Variants in MYO5C observed in about 807,000 individuals in gnomAD.
MYO5C encodes myosin VC.
In MYO5C, 194 loss-of-function variants were observed where a neutral mutation model predicts 235.7. The ratio of observed to expected loss-of-function variants is 0.82; its 90% CI spans 0.73 to 0.93. MYO5C has a LOEUF of 0.93. MYO5C is among the 40% of genes least tolerant of loss of function. The pLI, the probability that MYO5C is intolerant of heterozygous loss-of-function variation, is 0.00. For missense variants in MYO5C, 2,038 were observed against 2,127.2 expected (o/e 0.96, Z 0.82); for synonymous variants, 707 against 754.8 (o/e 0.94, Z 1.04).
intron 23 of MYO5C, among the ~76,000 whole-genome samples, chr15:52,234,788 C>T (rs1225926204): frequency 6.6e-6 from 1 of 152,188 alleles, no homozygotes; most frequent in Non-Finnish European, 1.5e-5. Flanking sequence ...ACATTCGCTC[C>T]TCCCACTCTC....
At position 52,268,166 on chromosome 15, in the gene MYO5C, A is replaced by C. The variant is rs1164221490; in HGVS notation, c.940+1587T>G. 2.6e-5 allele frequency among the ~76,000 whole-genome samples: 4 copies of C among 152,314 alleles called. No homozygotes were observed. The East Asian group carries it at 7.7e-4, about 29-fold the overall frequency. On this transcript the variant is annotated intron_variant, in intron 8 of 40. Transcript: ENST00000261839. ...CTATTCCTTGGATATGTTTAACCTGAAACTCTTAGTTTTTTACATTCAGAT... is the reference window on the plus strand; with the variant it reads ...CTATTCCTTGGATATGTTTAACCTGCAACTCTTAGTTTTTTACATTCAGAT...
chr15:52,214,540 T>C, intron 33 of MYO5C, 63 bp downstream of exon 33: 2 of 1,208,630 alleles, frequency 1.7e-6, no homozygotes, highest in Non-Finnish European at 2.3e-6. Flanking sequence ...AGAAAGAAAA[T>C]AAACACTTGA....
In MYO5C at chr15:52,242,397, T is replaced by G. The variant is rs1055731105; in HGVS notation, c.2391-184A>C. ...GAGGCCAGTCCCCAGTTCCCTGTCCTTGAGGAACCACATGGGAACTTTCAC... is the reference window on the plus strand; with the variant it reads ...GAGGCCAGTCCCCAGTTCCCTGTCCGTGAGGAACCACATGGGAACTTTCAC... On this transcript the variant is annotated intron_variant, in intron 19 of 40. Coordinates refer to ENST00000261839, the MANE Select transcript of MYO5C (RefSeq NM_018728.4). The G allele has an allele frequency of 9.9e-6, 6 of 604,076 alleles. No homozygotes were observed. The African/African-American group carries it at 1.1e-4, about 11-fold the overall frequency. 37.4% of individuals were successfully genotyped at this position (604,076 alleles called of 1,614,324 possible).
At chr15:52,207,682 G>A (rs2035351132) in intron 36 of MYO5C, among the ~76,000 whole-genome samples, 1 of 152,106 alleles carries the variant, frequency 6.6e-6, no homozygotes, top group South Asian at 2.1e-4. Context: ...ACAGATTTAA[G>A]CATATCAAAA....
rs1453808718 is a variant in MYO5C at position 52,256,560 on chromosome 15, C to T, written c.1395+79G>A. On this transcript the variant is annotated intron_variant, in intron 11 of 40. Transcript: ENST00000261839. The stretch of plus-strand genomic sequence containing the variant: ...CAAGAAAGAAGAATGCCTCTTTCCA[C>T]GAACACACACACACACACACACACA... 8 of 819,760 alleles carry T rather than the reference C, an allele frequency of 9.8e-6. No individual in the cohort carries two copies. The East Asian group carries it at 1.1e-4, about 11-fold the overall frequency. 50.8% of individuals were successfully genotyped at this position (819,760 alleles called of 1,614,324 possible).
At chr15:52,194,080 G>GA (rs1566955545) in intron 40 of MYO5C, 26 bp from the exon 41 acceptor site, 1 of 1,604,308 alleles carries the variant, frequency 6.2e-7, no homozygotes, top group African/African-American at 1.3e-5. Flanking sequence ...GAGGAAAAAT[G>GA]AGTAAGGAAA....
At chr15:52,238,832 G>A (rs988760029) in intron 21 of MYO5C, among the ~76,000 whole-genome samples, 4 of 151,436 alleles carry the variant, frequency 2.6e-5, no homozygotes, top group Non-Finnish European at 5.9e-5. Context: ...TAGTAGAGAC[G>A]GGGTTTCACC....
At chr15:52,273,944 C>A (rs1448205382) in intron 5 of MYO5C, among the ~76,000 whole-genome samples, 1 of 152,064 alleles carries the variant, frequency 6.6e-6, no homozygotes, top group African/African-American at 2.4e-5. Flanking sequence ...TTACTGCTTC[C>A]CTACTCAACC....
intron 26 of MYO5C, 27 bp downstream of exon 26, chr15:52,225,412 G>T: frequency 6.6e-7 from 1 of 1,513,424 alleles, no homozygotes; most frequent in South Asian, 1.1e-5. Context: ...CTGCACCCAT[G>T]GACTAAGAGA....
chr15:52,257,862 C>T (rs1352249418), intron 10 of MYO5C, among the ~76,000 whole-genome samples: 1 of 152,234 alleles, frequency 6.6e-6, no homozygotes, highest in Non-Finnish European at 1.5e-5. Context: ...TCTCACTTGA[C>T]TGAGCTGGTT....
Position 52,244,555 on chromosome 15 carries a change from A to G in MYO5C, c.2191T>C (p.Tyr731His), listed in dbSNP as rs2036298326. Residue 731 changes from tyrosine (Y) to histidine (H), a missense_variant, in exon 19 of 41, where the codon TAC becomes CAC. Tyr to His is a moderately conservative substitution (Grantham distance 83). Transcript: ENST00000261839. ...AAAATTTTGGTTTTACCAAACTGGTACTGATTAGAATCCTGGAAGAGAAAA... is the reference window on the plus strand; with the variant it reads ...AAAATTTTGGTTTTACCAAACTGGTGCTGATTAGAATCCTGGAAGAGAAAA... The part of the protein sequence containing the change: ...LHRLIQDSNQ[Y>H]QFGKTKIFFR... The G allele has an allele frequency of 6.2e-7, 1 of 1,608,924 alleles. No homozygotes were observed. Among genetic ancestry groups the G allele is most frequent in the Non-Finnish European group, 8.5e-7 (1 of 1,175,998 alleles).
At chr15:52,233,677 C>T (rs1191696829) in intron 23 of MYO5C, among the ~76,000 whole-genome samples, 4 of 152,224 alleles carry the variant, frequency 2.6e-5, no homozygotes, top group Non-Finnish European at 5.9e-5. Context: ...ACAAGAGTCG[C>T]AAACACAAAG....
chr15:52,211,632 G>T, intron 35 of MYO5C, 98 bp downstream of exon 35: 2 of 1,318,650 alleles, frequency 1.5e-6, no homozygotes, highest in Non-Finnish European at 1.1e-6. Context: ...GAATCATGTG[G>T]CTCACCACAC....
intron 38 of MYO5C, among the ~76,000 whole-genome samples, chr15:52,202,244 G>C (rs1480942370): frequency 1.3e-5 from 2 of 152,114 alleles, no homozygotes; most frequent in African/African-American, 4.8e-5. Flanking sequence ...GGGCATGGTG[G>C]CGCATGCCTG....
chr15:52,227,758 A>G (rs558350305), intron 25 of MYO5C, among the ~76,000 whole-genome samples: 1 of 152,154 alleles, frequency 6.6e-6, no homozygotes, highest in Non-Finnish European at 1.5e-5. Context: ...ACTTTTAAAC[A>G]ATAGGGGACG....
At position 52,268,290 on chromosome 15, in the gene MYO5C, C is replaced by T. The variant is rs550387145; in HGVS notation, c.940+1463G>A. 4.6e-5 allele frequency among the ~76,000 whole-genome samples: 7 copies of T among 152,244 alleles called. No homozygotes were observed. The East Asian group carries it at 7.7e-4, about 17-fold the overall frequency. On this transcript the variant is annotated intron_variant, in intron 8 of 40. Transcript: ENST00000261839. ...CAAGACGTAGAAATGGCTGGCCGGG[C>T]GCGGTGGCTCATGCCTGTAATCCCA...
Position 52,269,692 on chromosome 15 carries a change from T to TA in MYO5C, c.940+60dup, listed in dbSNP as rs899074691. 4 of 1,209,968 alleles carry TA rather than the reference T, an allele frequency of 3.3e-6. No individual in the cohort carries two copies. In the African/African-American group the frequency reaches 6.1e-5, roughly 19 times the overall value. 75.0% of individuals were successfully genotyped at this position (1,209,968 alleles called of 1,614,324 possible). ...AGGTGTGAGCCACCACGCCTGGCCT[T>TA]AATTTTTTTTTTTTTTTAAGAGAAA... On this transcript the variant is annotated intron_variant, in intron 8 of 40. Coordinates refer to ENST00000261839, the MANE Select transcript of MYO5C (RefSeq NM_018728.4).
chr15:52,201,782 G>C (rs906575983), intron 38 of MYO5C, among the ~76,000 whole-genome samples: 1 of 151,868 alleles, frequency 6.6e-6, no homozygotes, highest in Non-Finnish European at 1.5e-5. Flanking sequence ...GAGGCTAAAG[G>C]GGCCTACATG....
At chr15:52,247,182 T>A (rs2036367226) in intron 15 of MYO5C, among the ~76,000 whole-genome samples, 168 bp from the exon 16 acceptor site, 1 of 152,264 alleles carries the variant, frequency 6.6e-6, no homozygotes, top group African/African-American at 2.4e-5. Context: ...TTTATCAGCA[T>A]GTCCTACTGT....
Sources: gnomAD v4.1 joint callset for allele counts (sites outside exome capture counted in the v4.1 genomes callset) on GRCh38, gnomAD v4.1.1 for gene constraint, MANE v1.5 for transcripts, NCBI Gene and HGNC (gene_info 2026-07-23, HGNC 2026-07-21) for gene names.